The following NEDD4L variants were observed in gnomAD, a reference collection of about 807,000 sequenced individuals.
The protein encoded by NEDD4L is E3 ubiquitin-protein ligase NEDD4-like.
A neutral mutation model predicts 148.9 loss-of-function variants in NEDD4L; 54 were observed. The observed-to-expected ratio is 0.36, with a 90% confidence interval of 0.29 to 0.45. NEDD4L has a LOEUF of 0.45. NEDD4L is among the 20% of genes least tolerant of loss of function. The probability of loss-of-function intolerance (pLI) is 1.00; values close to 1 mark genes in which losing one functional copy is unlikely to be tolerated. For synonymous variants in NEDD4L, 433 were observed against 440.7 expected, an observed-to-expected ratio of 0.98 and a Z score of 0.22; for missense variants, 856 against 1,233.8, an observed-to-expected ratio of 0.69 and a Z score of 4.59.
rs138871837 is a variant in NEDD4L, at chr18:58,376,781, C to A, written c.2352+3512C>A. Among the ~76,000 whole-genome samples, 1,220 of 152,340 alleles carry A rather than the reference C, an allele frequency of 8.0e-3. 18 individuals are homozygous for A. The highest frequency in any genetic ancestry group is 0.028 in the African/African-American group (1,162 of 41,580). On this transcript the variant is annotated intron_variant, in intron 24 of 30. Transcript: ENST00000400345. ...CCTTGAGATAAAGACCCCAACCTTA[C>A]TTTGTCCCACAAGGTCCTGCGTGGC... is the stretch of plus-strand genomic sequence containing the variant.
intron 5 of NEDD4L, among the ~76,000 whole-genome samples, chr18:58,269,075 A>G (rs369871323): frequency 1.3e-5 from 2 of 151,904 alleles, no homozygotes; most frequent in South Asian, 4.2e-4. Context: ...TTTGCCTCAT[A>G]TGTTCCAATC....
intron 2 of NEDD4L, among the ~76,000 whole-genome samples, chr18:58,234,055 T>G (rs185880641): frequency 1.3e-5 from 1 of 78,716 alleles, no homozygotes; most frequent in African/African-American, 5.3e-5. Flanking sequence ...TTTTCTTTCT[T>G]TCTTTCTTTC....
At chr18:58,084,211 A>G (rs980059685) in intron 1 of NEDD4L, among the ~76,000 whole-genome samples, 1 of 152,208 alleles carries the variant, frequency 6.6e-6, no homozygotes, top group African/African-American at 2.4e-5. Flanking sequence ...AGGCAAATCC[A>G]CAGAGACGGA....
chr18:58,075,441 G>A (rs577886995), intron 1 of NEDD4L, among the ~76,000 whole-genome samples: 8 of 151,900 alleles, frequency 5.3e-5, no homozygotes, highest in East Asian at 3.9e-4. Context: ...GTGAGCCACC[G>A]CATCCAGCCT....
chr18:58,187,346 G>T (rs942087040), intron 2 of NEDD4L, among the ~76,000 whole-genome samples: 1 of 152,186 alleles, frequency 6.6e-6, no homozygotes, highest in Non-Finnish European at 1.5e-5. Flanking sequence ...GGCAGGTGGG[G>T]TACTGGAGGG....
In NEDD4L at chr18:58,056,624, A is replaced by G. The variant is rs532729564; in HGVS notation, c.48+11916A>G. Among the ~76,000 whole-genome samples, 67 of 152,028 alleles carry G rather than the reference A, an allele frequency of 4.4e-4. 1 individual carries two copies. The highest frequency in any genetic ancestry group is 8.4e-4 in the Non-Finnish European group (57 of 67,986). On this transcript the variant is annotated intron_variant, in intron 1 of 30. Transcript: ENST00000400345. ...TCAAGACAGTCTCACTCTGTAGCCCAAGCAAGAGTGCAGTGACACCATCTT... is the reference window on the plus strand; with the variant it reads ...TCAAGACAGTCTCACTCTGTAGCCCGAGCAAGAGTGCAGTGACACCATCTT...
At chr18:58,283,548 T>A (rs932015520) in intron 5 of NEDD4L, among the ~76,000 whole-genome samples, 7 of 152,180 alleles carry the variant, frequency 4.6e-5, no homozygotes, top group African/African-American at 1.7e-4. Context: ...CCCTAAAGAC[T>A]ACAATACTAT....
intron 1 of NEDD4L, among the ~76,000 whole-genome samples, chr18:58,094,368 A>AG (rs1568207141): frequency 6.6e-6 from 1 of 151,238 alleles, no homozygotes; most frequent in Admixed American, 6.6e-5. Flanking sequence ...GTATTTTTTT[A>AG]TAGAGACGGG....
intron 14 of NEDD4L, 94 bp from the exon 15 acceptor site, chr18:58,341,584 A>G: frequency 7.3e-7 from 1 of 1,361,486 alleles, no homozygotes; most frequent in African/African-American, 1.5e-5. Context: ...ACCTCTTATT[A>G]TTGCTGTTTG....
intron 3 of NEDD4L, 128 bp from the exon 4 acceptor site, chr18:58,248,771 T>A: frequency 1.7e-6 from 1 of 587,258 alleles, no homozygotes; most frequent in Admixed American, 2.9e-5. Flanking sequence ...TCTCAAATAA[T>A]CGACTAAATG....
intron 1 of NEDD4L, among the ~76,000 whole-genome samples, chr18:58,156,696 C>T (rs559399427): frequency 5.3e-5 from 8 of 152,232 alleles, no homozygotes; most frequent in Admixed American, 3.3e-4. Flanking sequence ...GCCACCTGCC[C>T]GTGTTTGACC....
At chr18:58,264,326 G>C (rs981355731) in intron 5 of NEDD4L, among the ~76,000 whole-genome samples, 4 of 152,086 alleles carry the variant, frequency 2.6e-5, no homozygotes, top group African/African-American at 9.7e-5. Context: ...ATTAGCAAGA[G>C]AAGCTCCTGC....
At chr18:58,049,185 A>G (rs770964890) in intron 1 of NEDD4L, among the ~76,000 whole-genome samples, 2 of 152,242 alleles carry the variant, frequency 1.3e-5, no homozygotes, top group Non-Finnish European at 2.9e-5. Context: ...TTTTAAGTCA[A>G]CGAGTAGTCA....
intron 5 of NEDD4L, among the ~76,000 whole-genome samples, chr18:58,277,551 A>G (rs2052329527): frequency 6.6e-6 from 1 of 152,000 alleles, no homozygotes; most frequent in African/African-American, 2.4e-5. Flanking sequence ...CTGCTAGTTC[A>G]TGGGTCACCT....
At position 58,331,671 on chromosome 18, in the gene NEDD4L, T is replaced by C. The variant is rs530825129; in HGVS notation, c.990+757T>C. On this transcript the variant is annotated intron_variant, in intron 11 of 30. Coordinates refer to ENST00000400345, the MANE Select transcript of NEDD4L (RefSeq NM_001144967.3). ...CATAGAATTAAGAGCAAATGAAGTC[T>C]CAGTGTTTCTCAAGAAACTGAACTT... 3.9e-5 allele frequency among the ~76,000 whole-genome samples: 6 copies of C among 152,318 alleles called. No homozygotes were observed. The South Asian group carries it at 1.2e-3, about 32-fold the overall frequency.
intron 10 of NEDD4L, 53 bp downstream of exon 10, chr18:58,329,180 CT>C: frequency 6.3e-7 from 1 of 1,579,154 alleles, no homozygotes; most frequent in Non-Finnish European, 8.6e-7. Flanking sequence ...TTCCCATGTT[CT>C]CCAGCTTGAT....
chr18:58,355,772 A>G (rs2044527880), intron 18 of NEDD4L, among the ~76,000 whole-genome samples: 1 of 150,756 alleles, frequency 6.6e-6, no homozygotes, highest in Admixed American at 6.6e-5. Context: ...TGAAAACAAA[A>G]GATTCTAGAA....
intron 5 of NEDD4L, among the ~76,000 whole-genome samples, chr18:58,293,139 A>C (rs531479397): frequency 3.3e-5 from 5 of 152,376 alleles, no homozygotes; most frequent in African/African-American, 1.2e-4. Context: ...AAACTTGTAT[A>C]ATACAGAGCA....
intron 1 of NEDD4L, among the ~76,000 whole-genome samples, chr18:58,155,330 C>T (rs541912442): frequency 3.6e-5 from 4 of 109,842 alleles, no homozygotes; most frequent in South Asian, 2.8e-4. Context: ...AAAAAAAAAA[C>T]GCTCCAAGTT....
Sources: gnomAD v4.1 joint callset for allele counts (sites outside exome capture counted in the v4.1 genomes callset) on GRCh38, gnomAD v4.1.1 for gene constraint, MANE v1.5 for transcripts, NCBI Gene and HGNC (gene_info 2026-07-23, HGNC 2026-07-21) for gene names.